Variants in FAT2 observed in about 807,000 individuals in gnomAD.
FAT2 encodes the protein FAT atypical cadherin 2.
In FAT2, 150 loss-of-function variants were observed where a neutral mutation model predicts 295.3. The ratio of observed to expected loss-of-function variants is 0.51; its 90% CI spans 0.44 to 0.58. FAT2 has a LOEUF of 0.58. FAT2 is among the 20% of genes least tolerant of loss of function. FAT2 has a pLI of 0.00. For missense variants in FAT2, 4,868 were observed against 5,442.7 expected, an observed-to-expected ratio of 0.89 and a Z score of 3.32; for synonymous variants, 2,026 against 2,150.3, an observed-to-expected ratio of 0.94 and a Z score of 1.60.
At chr5:151,530,074 G>T (rs928657304) in intron 14 of FAT2, among the ~76,000 whole-genome samples, 1 of 152,076 alleles carries the variant, frequency 6.6e-6, no homozygotes, top group Admixed American at 6.5e-5. Flanking sequence ...CCATTTTACA[G>T]CCCTTAATGA....
At chr5:151,542,158 T>C (rs1021680517) in intron 10 of FAT2, 127 bp downstream of exon 10, 9 of 826,064 alleles carry the variant, frequency 1.1e-5, no homozygotes, top group Non-Finnish European at 1.5e-5. Flanking sequence ...TCCTAGGGGG[T>C]TAAGTGTGCC....
intron 17 of FAT2, among the ~76,000 whole-genome samples, chr5:151,526,378 A>G (rs926325928): frequency 2.6e-5 from 4 of 152,224 alleles, no homozygotes; most frequent in Non-Finnish European, 5.9e-5. Context: ...TTTCTTCCTT[A>G]GAGGACCTGC....
rs1253054474 is a variant in FAT2, at chr5:151,553,231, C to T, written c.4102G>A (p.Val1368Met). ...VMETDPVNHM[V>M]GVISVEGRPG... is the part of the protein sequence containing the mutation. ...CTGCCCTCTACGCTGATGACCCCCA[C>T]CATGTGGTTCACAGGGTCCGTCTCC... Residue 1368 changes from valine to methionine, a missense_variant, in exon 6 of 24, where the codon GTG becomes ATG. Coordinates refer to ENST00000261800, the MANE Select transcript of FAT2 (RefSeq NM_001447.3). The T allele has an allele frequency of 6.2e-7, 1 of 1,614,256 alleles. No homozygotes were observed. The highest frequency in any genetic ancestry group is 1.1e-5 in the South Asian group (1 of 91,088).
chr5:151,574,311 G>A (rs982353406), intron 1 of FAT2, among the ~76,000 whole-genome samples: 2 of 152,312 alleles, frequency 1.3e-5, no homozygotes, highest in African/African-American at 4.8e-5. Flanking sequence ...TGTAATGGAT[G>A]GGTGATTCCA....
At chr5:151,516,221 G>T (rs894692500) in intron 20 of FAT2, among the ~76,000 whole-genome samples, 4 of 152,150 alleles carry the variant, frequency 2.6e-5, no homozygotes, top group African/African-American at 9.7e-5. Flanking sequence ...TTGTAAAATT[G>T]TAACTCCGGC....
At chr5:151,519,939 G>A (rs141587727) in intron 19 of FAT2, among the ~76,000 whole-genome samples, 157 of 152,182 alleles carry the variant, frequency 1.0e-3, no homozygotes, top group Non-Finnish European at 1.8e-3. Context: ...TTAAAATCAC[G>A]CTCTCCAGTA....
chr5:151,546,019 A>T lies in FAT2; in HGVS notation c.5108T>A (p.Phe1703Tyr). ...AAGGCCAGAATATGAGTTCATAGAG[A>T]AGACTCCATCCTTATTTCCCTCTCT... ...ELREGNKDGV[F>Y]SMNSYSGLIS... Residue 1703 changes from phenylalanine (F) to tyrosine (Y), a missense_variant, in exon 10 of 24, where the codon TTC becomes TAC. Transcript: ENST00000261800. The T allele has an allele frequency of 1.2e-6, 2 of 1,614,164 alleles. No individual in the cohort carries two copies. The highest frequency in any genetic ancestry group is 1.7e-6 in the Non-Finnish European group (2 of 1,180,026).
chr5:151,537,343 G>C (rs201668384), intron 12 of FAT2, among the ~76,000 whole-genome samples: 1 of 133,172 alleles, frequency 7.5e-6, no homozygotes, highest in Non-Finnish European at 1.6e-5. Context: ...GAAAAGAAAA[G>C]AAAAGAAAAA....
Position 151,554,535 on chromosome 5 carries a change from C to G in FAT2, c.3772G>C (p.Val1258Leu). 6.2e-7 allele frequency: 1 copy of G among 1,614,230 alleles called. No individual in the cohort carries two copies. Among genetic ancestry groups the G allele is most frequent in the Non-Finnish European group, 8.5e-7 (1 of 1,180,044 alleles). Residue 1258 changes from valine to leucine, a missense_variant, in exon 5 of 24, where the codon GTG becomes CTG. By Grantham distance (32) the Val-to-Leu change is conservative (BLOSUM62 1). This residue lies in a region of FAT2 where 3,297 missense variants were observed against 3,669.4 expected (regional missense o/e 0.90). Transcript: ENST00000261800. ...NVRLPERLSP[V>L]SPGPVYRLVA... The stretch of plus-strand genomic sequence containing the variant: ...AGCCTGTACACAGGCCCAGGGGACA[C>G]AGGGCTCAGCCTCTCTGGAAGGCGG...
In FAT2 at chr5:151,544,743, C is replaced by T. The variant is rs192970974; in HGVS notation, c.6384G>A (p.Lys2128=). The T allele has an allele frequency of 1.9e-5, 31 of 1,614,180 alleles. No individual in the cohort carries two copies. Among genetic ancestry groups the T allele is most frequent in the Middle Eastern group, 3.3e-4 (2 of 6,062 alleles). The change falls in exon 10 of 24, where the codon AAG becomes AAA. Residue 2128 remains lysine (K), a synonymous_variant. Transcript: ENST00000261800. ...IDPYLGDISL[K]KPFDYQALNK... ...TTAAAGCTTGATAATCAAAGGGTTT[C>T]TTGAGTGATATGTCCCCAAGATAGG... is the stretch of plus-strand genomic sequence containing the variant.
chr5:151,565,466 T>C (rs1327225321), intron 2 of FAT2, among the ~76,000 whole-genome samples: 4 of 152,104 alleles, frequency 2.6e-5, no homozygotes, highest in Admixed American at 2.6e-4. Flanking sequence ...TGCATATATG[T>C]GTATGTGTAT....
chr5:151,563,679 C>T (rs2127642646), intron 2 of FAT2, 40 bp from the exon 3 acceptor site: 1 of 1,561,514 alleles, frequency 6.4e-7, no homozygotes, highest in Admixed American at 1.8e-5. Context: ...TACTTTAGAG[C>T]TCAAAGTGGC....
chr5:151,590,271 C>G (rs1273878514), intron 1 of FAT2, among the ~76,000 whole-genome samples: 3 of 152,208 alleles, frequency 2.0e-5, no homozygotes, highest in Non-Finnish European at 4.4e-5. Flanking sequence ...TCCTCCTCTC[C>G]CCTGAGTCCA....
rs535453451 is a variant in FAT2, at chr5:151,538,843, A to ATTT, written c.9040-900_9040-898dup. Among the ~76,000 whole-genome samples the ATTT allele has an allele frequency of 2.9e-3, 413 of 143,886 alleles. 4 individuals carry two copies. Among genetic ancestry groups the ATTT allele is most frequent in the African/African-American group, 0.01 (395 of 39,178 alleles). 94.4% of individuals were successfully genotyped at this position (143,886 alleles called of 152,430 possible). On this transcript the variant is annotated intron_variant, in intron 11 of 23. Transcript: ENST00000261800. ...AGGTGCGTGCCACCACACCTGGCTA[A>ATTT]TTTTTTTTTTTTTTGTATTTTTAGT...
At chr5:151,564,894 A>G (rs6883216) in intron 2 of FAT2, among the ~76,000 whole-genome samples, 73,402 of 151,772 alleles carry the variant, frequency 0.48, 17,958 homozygotes, top group Non-Finnish European at 0.53. Context: ...CCGACATGGC[A>G]AAAACCCGTT....
chr5:151,565,604 G>GCTGA, intron 2 of FAT2, 69 bp downstream of exon 2: 1 of 1,462,858 alleles, frequency 6.8e-7, no homozygotes, highest in Non-Finnish European at 9.1e-7. Flanking sequence ...CAGCCCGCAG[G>GCTGA]CTGACTTCTT....
chr5:151,529,551 T>TGA (rs990298188), intron 14 of FAT2, among the ~76,000 whole-genome samples, 159 bp from the exon 15 acceptor site: 1 of 151,608 alleles, frequency 6.6e-6, no homozygotes, highest in African/African-American at 2.4e-5. Context: ...GCTATCCCCT[T>TGA]GACCCCCTTC....
Position 151,531,778 on chromosome 5 carries a change from G to A in FAT2, c.9620C>T (p.Ser3207Leu), listed in dbSNP as rs1211869413. 4 of 1,612,480 alleles carry A rather than the reference G, an allele frequency of 2.5e-6. No homozygotes were observed. The highest frequency in any genetic ancestry group is 1.7e-5 in the Admixed American group (1 of 60,028). Residue 3207 changes from serine to leucine, a missense_variant, in exon 14 of 24, where the codon TCG (serine) becomes TTG (leucine). Around this residue, in one of 5 missense-constraint regions of FAT2, gnomAD observed 1,046 missense variants for 1,210.1 expected, o/e 0.86. Transcript: ENST00000261800. This position sits in a 1 kb window ranked among gnomAD's most constrained non-coding sequence, Gnocchi z 5.7. The stretch of plus-strand genomic sequence containing the variant: ...CAGGTAGTCTTCTAGGCCCACCACC[G>A]AGACTGTGACGGTGCCCAGCGTGGA... ...PLSTLGTVTV[S>L]VVGLEDYLPV... is the part of the protein sequence containing the mutation.
At position 151,567,515 on chromosome 5, in the gene FAT2, G is replaced by A. The variant is rs1758333476; in HGVS notation, c.1417C>T (p.Pro473Ser). The change falls in exon 2 of 24, where the codon CCA becomes TCA. Residue 473 changes from proline (P) to serine (S), a missense_variant. Coordinates refer to ENST00000261800, the MANE Select transcript of FAT2 (RefSeq NM_001447.3). Reference sequence around the variant, plus strand: ...GTCACAGCCAAAACACTGGTGCCTGGAGGGATGTTCTCATCCAAGGTACCA... The same window carrying A: ...GTCACAGCCAAAACACTGGTGCCTGAAGGGATGTTCTCATCCAAGGTACCA... ...YDGTLDENIP[P>S]GTSVLAVTAT... The A allele has an allele frequency of 6.2e-7, 1 of 1,614,064 alleles. No homozygotes were observed. Among genetic ancestry groups the A allele is most frequent in the East Asian group, 2.2e-5 (1 of 44,904 alleles).
Sources: allele counts gnomAD v4.1 joint callset (sites outside exome capture counted in the v4.1 genomes callset), GRCh38; gene constraint gnomAD v4.1.1; regional missense constraint gnomAD v4.1.1; non-coding constraint Gnocchi (gnomAD v3.1); transcripts MANE v1.5; gene names NCBI Gene and HGNC (gene_info 2026-07-23, HGNC 2026-07-21).